GRIK3: variants seen among roughly 807,000 people sequenced by gnomAD.
The protein encoded by GRIK3 is glutamate receptor ionotropic, kainate 3.
In GRIK3, 29 loss-of-function variants were observed where a neutral mutation model predicts 102.5. That is an observed-to-expected ratio of 0.28 (90% CI 0.21 to 0.39). GRIK3 has a LOEUF of 0.39. Ranked by LOEUF, GRIK3 falls within the 10% of genes least tolerant of loss-of-function variation. The pLI, the probability that GRIK3 is intolerant of heterozygous loss-of-function variation, is 1.00. For missense variants in GRIK3, 908 were observed against 1,252.4 expected (o/e 0.73, Z 4.15); for synonymous variants, 511 against 504.9 (o/e 1.01, Z -0.16).
chr1:36,849,104 C>T (rs539549534), intron 9 of GRIK3, among the ~76,000 whole-genome samples: 9 of 152,262 alleles, frequency 5.9e-5, no homozygotes, highest in Non-Finnish European at 1.0e-4. Flanking sequence ...CTCTGGATGC[C>T]GACAGGATGC....
intron 1 of GRIK3, among the ~76,000 whole-genome samples, chr1:36,898,617 T>A (rs1420340536): frequency 6.6e-6 from 1 of 152,162 alleles, no homozygotes; most frequent in African/African-American, 2.4e-5. Flanking sequence ...CCCAAAGTGA[T>A]CTGTAGATTC....
intron 1 of GRIK3, among the ~76,000 whole-genome samples, chr1:37,007,266 G>A (rs999319766): frequency 6.6e-5 from 10 of 152,202 alleles, no homozygotes; most frequent in Admixed American, 3.9e-4. Flanking sequence ...GGAAACTGAG[G>A]CACAGAGAAG....
At chr1:36,998,437 A>C (rs868242805) in intron 1 of GRIK3, among the ~76,000 whole-genome samples, 1 of 152,184 alleles carries the variant, frequency 6.6e-6, no homozygotes, top group African/African-American at 2.4e-5. Flanking sequence ...GCCCATGTCT[A>C]GTTGACTCTG....
chr1:37,014,106 GA>G (rs986893833), intron 1 of GRIK3, among the ~76,000 whole-genome samples: 1 of 152,240 alleles, frequency 6.6e-6, no homozygotes, highest in African/African-American at 2.4e-5. Context: ...CCTCTCCAGA[GA>G]GGCCCTTCCT....
intron 1 of GRIK3, among the ~76,000 whole-genome samples, chr1:36,925,859 C>T (rs921162097): frequency 6.6e-5 from 10 of 152,174 alleles, no homozygotes; most frequent in African/African-American, 2.4e-4. Context: ...ATCTTGGTCC[C>T]CACTGGCCTG....
At chr1:36,982,220 G>A (rs1331202119) in intron 1 of GRIK3, among the ~76,000 whole-genome samples, 1 of 152,220 alleles carries the variant, frequency 6.6e-6, no homozygotes, top group Non-Finnish European at 1.5e-5. Flanking sequence ...CGTGGTGCTG[G>A]TGAAAGGTGA....
intron 1 of GRIK3, among the ~76,000 whole-genome samples, chr1:36,916,788 T>C (rs1641406568): frequency 6.6e-6 from 1 of 152,176 alleles, no homozygotes; most frequent in South Asian, 2.1e-4. Flanking sequence ...GACAAAAGTT[T>C]GCTGCAGGGG....
intron 1 of GRIK3, among the ~76,000 whole-genome samples, chr1:36,966,173 G>A (rs137859958): frequency 6.6e-6 from 1 of 152,330 alleles, no homozygotes; most frequent in East Asian, 1.9e-4. Flanking sequence ...GCACTGATGT[G>A]CACCTTATCT....
chr1:37,007,930 G>A (rs1466192306), intron 1 of GRIK3, among the ~76,000 whole-genome samples: 1 of 152,212 alleles, frequency 6.6e-6, no homozygotes, highest in Non-Finnish European at 1.5e-5. Context: ...AGAAGCCACC[G>A]CCTGTGCTGA....
At chr1:37,000,322 GA>G (rs1642463816) in intron 1 of GRIK3, among the ~76,000 whole-genome samples, 1 of 152,140 alleles carries the variant, frequency 6.6e-6, no homozygotes, top group South Asian at 2.1e-4. Flanking sequence ...TACTTTTATT[GA>G]GCATTTACTA....
intron 1 of GRIK3, among the ~76,000 whole-genome samples, chr1:36,940,434 G>A (rs1464181690): frequency 6.6e-6 from 1 of 152,222 alleles, no homozygotes; most frequent in Non-Finnish European, 1.5e-5. Flanking sequence ...GTTGATACCT[G>A]TTCTTAGAAG....
intron 1 of GRIK3, among the ~76,000 whole-genome samples, chr1:36,972,143 G>T (rs945958341): frequency 2.0e-5 from 3 of 152,238 alleles, no homozygotes; most frequent in African/African-American, 7.2e-5. Flanking sequence ...TCCATCTTTG[G>T]CATGGGCTCC....
At position 36,860,109 on chromosome 1, in the gene GRIK3, C is replaced by G; in HGVS notation, c.787-92G>C. On this transcript the variant is annotated intron_variant, in intron 5 of 15. Transcript: ENST00000373091. ...ACCCACTCCCTAATCAGGGCCGCCCCAGGGCCTGAGGTCGCAGCTCCCTGC... is the reference window on the plus strand; with the variant it reads ...ACCCACTCCCTAATCAGGGCCGCCCGAGGGCCTGAGGTCGCAGCTCCCTGC... 8 of 1,024,732 alleles carry G rather than the reference C, an allele frequency of 7.8e-6. No individual in the cohort carries two copies. In the South Asian group the frequency reaches 1.3e-4, roughly 16 times the overall value. 63.5% of individuals were successfully genotyped at this position (1,024,732 alleles called of 1,614,324 possible). A position where few individuals can be genotyped will look rare whatever the true frequency, so the allele number is the denominator to read the frequency against.
In GRIK3 at chr1:37,015,259, T is replaced by A. The variant is rs1212095078; in HGVS notation, c.115+18735A>T. On this transcript the variant is annotated intron_variant, in intron 1 of 15. Coordinates refer to ENST00000373091, the MANE Select transcript of GRIK3 (RefSeq NM_000831.4). ...AGGGGCAGACAGCAAAGGGAGCCTG[T>A]GGGGATAACTCACACACCCAAAGTA... Among the ~76,000 whole-genome samples the A allele has an allele frequency of 3.3e-5, 5 of 152,092 alleles. No homozygotes were observed. In the South Asian group the frequency reaches 6.2e-4, roughly 19 times the overall value.
At chr1:37,011,641 G>T (rs533807) in intron 1 of GRIK3, among the ~76,000 whole-genome samples, 25,955 of 152,138 alleles carry the variant, frequency 0.17, 3,323 homozygotes, top group African/African-American at 0.36. Context: ...AAGTCTAAGG[G>T]GGTAAAAGTT....
At chr1:36,929,438 T>C (rs1369194494) in intron 1 of GRIK3, among the ~76,000 whole-genome samples, 1 of 152,182 alleles carries the variant, frequency 6.6e-6, no homozygotes, top group Non-Finnish European at 1.5e-5. Context: ...TTATAGTACA[T>C]TGGTAAAAAT....
intron 1 of GRIK3, among the ~76,000 whole-genome samples, chr1:36,945,014 C>G (rs1365346857): frequency 6.6e-6 from 1 of 152,208 alleles, no homozygotes. Flanking sequence ...GCTGCCCCAG[C>G]CATGCTGGCC....
rs377146721 is a variant in GRIK3 at position 36,913,106 on chromosome 1, G to T, written c.116-22010C>A. On this transcript the variant is annotated intron_variant, in intron 1 of 15. Coordinates refer to ENST00000373091, the MANE Select transcript of GRIK3 (RefSeq NM_000831.4). Reference sequence around the variant, plus strand: ...CCTGTCCCTTACAAGAGTGGATAGGGGCCATGTGCCTGGCATGAGTAGGCA... The same window carrying T: ...CCTGTCCCTTACAAGAGTGGATAGGTGCCATGTGCCTGGCATGAGTAGGCA... 2.1e-3 allele frequency among the ~76,000 whole-genome samples: 327 copies of T among 152,258 alleles called. 1 individual carries two copies. Among genetic ancestry groups the T allele is most frequent in the Non-Finnish European group, 4.0e-3 (269 of 68,022 alleles).
intron 13 of GRIK3, among the ~76,000 whole-genome samples, chr1:36,816,652 C>G (rs937270228): frequency 6.6e-6 from 1 of 152,200 alleles, no homozygotes; most frequent in Admixed American, 6.5e-5. Context: ...GCTGCTGTCT[C>G]CCCAACCTCA....
Sources: gnomAD v4.1 joint callset for allele counts (sites outside exome capture counted in the v4.1 genomes callset) on GRCh38, gnomAD v4.1.1 for gene constraint, MANE v1.5 for transcripts, NCBI Gene and HGNC (gene_info 2026-07-23, HGNC 2026-07-21) for gene names.